PAK5: variants seen among roughly 807,000 people sequenced by gnomAD.
PAK5 encodes the protein serine/threonine-protein kinase PAK 5.
PAK5 carries 16 observed loss-of-function variants against 65.9 expected under a neutral mutation model. The observed-to-expected ratio is 0.24, with a 90% CI of 0.16 to 0.37. PAK5 has a LOEUF of 0.37. Among genes scored for constraint, PAK5 ranks in the 10% least tolerant of loss-of-function variants. The pLI is 1.00. For missense variants in PAK5, 785 were observed against 903.9 expected, an observed-to-expected ratio of 0.87 and a Z score of 1.69; for synonymous variants, 371 against 354.9, an observed-to-expected ratio of 1.05 and a Z score of -0.51.
At chr20:9,696,851 AT>A (rs1219560518) in intron 2 of PAK5, among the ~76,000 whole-genome samples, 3 of 152,086 alleles carry the variant, frequency 2.0e-5, no homozygotes, top group Non-Finnish European at 4.4e-5. Flanking sequence ...CTAGATGAAT[AT>A]CTCTGCAGAG....
intron 3 of PAK5, among the ~76,000 whole-genome samples, chr20:9,608,493 G>A (rs1028381985): frequency 2.0e-5 from 3 of 152,228 alleles, no homozygotes; most frequent in African/African-American, 7.2e-5. Flanking sequence ...GAACTGGCAA[G>A]TAATCCTCCA....
intron 3 of PAK5, among the ~76,000 whole-genome samples, chr20:9,629,739 G>GCTA (rs1445301545): frequency 4.2e-4 from 64 of 152,330 alleles, no homozygotes; most frequent in African/African-American, 1.5e-3. Flanking sequence ...TCACATTGGG[G>GCTA]ATTAGCATCT....
chr20:9,773,719 C>T (rs1297441145), intron 1 of PAK5, among the ~76,000 whole-genome samples: 2 of 152,182 alleles, frequency 1.3e-5, no homozygotes, highest in African/African-American at 2.4e-5. Context: ...GAGCTGGAGC[C>T]TTGGCATAAC....
rs529322245 is a variant in PAK5 at position 9,835,369 on chromosome 20, C to A, written c.-162+3393G>T. Among the ~76,000 whole-genome samples the A allele has an allele frequency of 3.3e-5, 5 of 152,112 alleles. No homozygotes were observed. In the South Asian group the frequency reaches 8.3e-4, roughly 25 times the overall value. On this transcript the variant is annotated intron_variant, in intron 1 of 9. Transcript: ENST00000353224. Reference sequence around the variant, plus strand: ...AAGGAAGCCCAAGGGATGAGTATGACCCAGACTGGTAAAATATAGAGGGAA... The same window carrying A: ...AAGGAAGCCCAAGGGATGAGTATGAACCAGACTGGTAAAATATAGAGGGAA...
At chr20:9,816,682 C>T (rs1322569501) in intron 1 of PAK5, among the ~76,000 whole-genome samples, 2 of 152,132 alleles carry the variant, frequency 1.3e-5, no homozygotes, top group Non-Finnish European at 1.5e-5. Flanking sequence ...GGCTTTTGAA[C>T]CCCACAACTG....
chr20:9,791,090 C>A (rs929245257), intron 1 of PAK5, among the ~76,000 whole-genome samples: 3 of 152,136 alleles, frequency 2.0e-5, no homozygotes, highest in Non-Finnish European at 4.4e-5. Context: ...TATTCAGCGT[C>A]ATTTCTCTCA....
chr20:9,785,448 AATCACAGCAC>A (rs1403992874), intron 1 of PAK5, among the ~76,000 whole-genome samples: 2 of 152,202 alleles, frequency 1.3e-5, no homozygotes, highest in Non-Finnish European at 2.9e-5. Context: ...CAACTGAAAG[AATCACAGCAC>A]ATCTGTTTTG....
intron 1 of PAK5, among the ~76,000 whole-genome samples, chr20:9,825,430 C>T (rs1600415498): frequency 1.3e-5 from 2 of 152,248 alleles, no homozygotes; most frequent in Non-Finnish European, 2.9e-5. Context: ...TTATAAGGTT[C>T]TACTTCACTG....
At chr20:9,826,417 G>T (rs554856614) in intron 1 of PAK5, among the ~76,000 whole-genome samples, 4 of 152,116 alleles carry the variant, frequency 2.6e-5, no homozygotes, top group Non-Finnish European at 5.9e-5. Context: ...GGGTTAGTAG[G>T]CTCTAACTGG....
intron 7 of PAK5, among the ~76,000 whole-genome samples, chr20:9,549,483 TA>T (rs2045394342): frequency 6.6e-6 from 1 of 152,150 alleles, no homozygotes; most frequent in Non-Finnish European, 1.5e-5. Flanking sequence ...TGATGGGGGA[TA>T]GCCTAAGGAC....
chr20:9,592,001 A>G (rs113799839), intron 3 of PAK5, among the ~76,000 whole-genome samples: 120 of 152,352 alleles, frequency 7.9e-4, no homozygotes, highest in African/African-American at 2.8e-3. Context: ...ACTGTAATTC[A>G]TATTTCAGAA....
At chr20:9,763,935 C>T (rs2048728378) in intron 1 of PAK5, among the ~76,000 whole-genome samples, 1 of 152,088 alleles carries the variant, frequency 6.6e-6, no homozygotes, top group Non-Finnish European at 1.5e-5. Context: ...AATGTACCTG[C>T]AGGTATGACA....
chr20:9,553,658 C>A (rs1257756950), intron 7 of PAK5, among the ~76,000 whole-genome samples: 3 of 151,752 alleles, frequency 2.0e-5, no homozygotes, highest in African/African-American at 4.8e-5. Context: ...CTGAGGTTCA[C>A]CCAAGTTCTC....
chr20:9,586,397 C>G (rs1274965520), intron 3 of PAK5, among the ~76,000 whole-genome samples: 1 of 152,058 alleles, frequency 6.6e-6, no homozygotes, highest in African/African-American at 2.4e-5. Context: ...ATTGGGTAGA[C>G]TTTAAACTAA....
intron 2 of PAK5, among the ~76,000 whole-genome samples, chr20:9,702,672 C>A (rs777168689): frequency 2.0e-5 from 3 of 152,180 alleles, no homozygotes; most frequent in Non-Finnish European, 2.9e-5. Flanking sequence ...GTTATCCAAA[C>A]TGCAGATCTA....
At chr20:9,587,039 G>A (rs1002982741) in intron 3 of PAK5, among the ~76,000 whole-genome samples, 38 of 152,184 alleles carry the variant, frequency 2.5e-4, no homozygotes, top group African/African-American at 8.4e-4. Context: ...GAGTTAATGT[G>A]ATTATTTAAT....
chr20:9,755,368 C>T (rs1964931716), intron 1 of PAK5, among the ~76,000 whole-genome samples: 1 of 152,090 alleles, frequency 6.6e-6, no homozygotes, highest in Admixed American at 6.6e-5. Context: ...CACATTTCAC[C>T]CAATGAATAA....
chr20:9,667,533 G>C (rs1197709371), intron 2 of PAK5, among the ~76,000 whole-genome samples: 1 of 152,102 alleles, frequency 6.6e-6, no homozygotes, highest in African/African-American at 2.4e-5. Flanking sequence ...TTCCCACCAA[G>C]GTCTACATAT....
At chr20:9,562,809 T>C in intron 6 of PAK5, 82 bp downstream of exon 6, 1 of 1,306,248 alleles carries the variant, frequency 7.7e-7, no homozygotes, top group South Asian at 1.3e-5. Context: ...CTGCAATTTA[T>C]GAAGAGTTCA....
Sources: gnomAD v4.1 joint callset for allele counts (sites outside exome capture counted in the v4.1 genomes callset) on GRCh38, gnomAD v4.1.1 for gene constraint, MANE v1.5 for transcripts, NCBI Gene and HGNC (gene_info 2026-07-23, HGNC 2026-07-21) for gene names.